STK32B: variants seen among roughly 807,000 people sequenced by gnomAD.
The protein encoded by STK32B is serine/threonine kinase 32B.
In STK32B, 43 loss-of-function variants were observed where a neutral mutation model predicts 52.6. That is an observed-to-expected ratio of 0.82 (90% CI 0.64 to 1.05). The LOEUF (loss-of-function observed/expected upper bound fraction) is 1.05, where lower values mean the gene tolerates loss of function less well. Among genes scored for constraint, STK32B ranks in the 50% least tolerant of loss-of-function variants. STK32B has a pLI of 0.00. For missense variants in STK32B, 621 were observed against 534.6 expected (o/e 1.16, Z -1.59); for synonymous variants, 238 against 204.3 (o/e 1.17, Z -1.41).
intron 4 of STK32B, among the ~76,000 whole-genome samples, chr4:5,371,050 G>A (rs1224924875): frequency 2.0e-5 from 3 of 147,486 alleles, no homozygotes; most frequent in Non-Finnish European, 4.5e-5. Context: ...ATATGTGTGT[G>A]TGTGTGTATA....
Position 5,290,587 on chromosome 4 carries a change from T to C in STK32B, c.261-40633T>C, listed in dbSNP as rs185444553. On this transcript the variant is annotated intron_variant, in intron 3 of 11. Coordinates refer to ENST00000282908, the MANE Select transcript of STK32B (RefSeq NM_018401.3). ...ACTGAAACATTACACAGCACGTGAC[T>C]GCATTTTTTTAATTACTTAATTTTT... Among the ~76,000 whole-genome samples the C allele has an allele frequency of 3.3e-3, 495 of 152,302 alleles. 3 individuals carry two copies. The highest frequency in any genetic ancestry group is 0.011 in the African/African-American group (473 of 41,560).
chr4:5,355,479 A>G (rs113363798), intron 4 of STK32B, among the ~76,000 whole-genome samples: 247 of 152,194 alleles, frequency 1.6e-3, no homozygotes, highest in Non-Finnish European at 3.1e-3. Context: ...TATTTGTTCT[A>G]TCCACCTGGT....
intron 2 of STK32B, among the ~76,000 whole-genome samples, chr4:5,157,425 C>T (rs1717948133): frequency 6.6e-6 from 1 of 151,956 alleles, no homozygotes; most frequent in Non-Finnish European, 1.5e-5. Context: ...AGCTGCTCTG[C>T]AGAAAATGTG....
intron 3 of STK32B, among the ~76,000 whole-genome samples, chr4:5,258,255 C>T (rs1213881745): frequency 2.6e-5 from 4 of 152,150 alleles, no homozygotes; most frequent in African/African-American, 4.8e-5. Context: ...GGGGACAGTG[C>T]CTGGGTTCAA....
intron 6 of STK32B, among the ~76,000 whole-genome samples, chr4:5,441,037 G>C (rs1329171215): frequency 8.0e-5 from 12 of 150,110 alleles, no homozygotes; most frequent in African/African-American, 2.7e-4. Context: ...TTGCATCAAT[G>C]TTCATCAAGG....
At chr4:5,033,516 C>T in the STK32B span, among the ~76,000 whole-genome samples, 1 of 152,248 alleles carries the variant, frequency 6.6e-6, no homozygotes, top group Admixed American at 6.5e-5. Context: ...GGCTCAGCCT[C>T]TTCTCGTTGC....
chr4:5,044,859 C>T, the STK32B span, among the ~76,000 whole-genome samples: 6 of 152,156 alleles, frequency 3.9e-5, no homozygotes, highest in Non-Finnish European at 8.8e-5. Flanking sequence ...TGCAGTGAGC[C>T]ATGATTGTGC....
chr4:5,444,960 T>C (rs959274693), intron 6 of STK32B, among the ~76,000 whole-genome samples: 2 of 152,148 alleles, frequency 1.3e-5, no homozygotes, highest in Non-Finnish European at 2.9e-5. Context: ...ACCATTCCAC[T>C]ATGTGGCACT....
At chr4:5,181,333 C>CACAT (rs1188174035) in intron 3 of STK32B, among the ~76,000 whole-genome samples, 9 of 134,124 alleles carry the variant, frequency 6.7e-5, no homozygotes, top group Non-Finnish European at 1.3e-4. Context: ...GAGTGAGACA[C>CACAT]ACACACACAC....
At chr4:5,247,759 A>T (rs1461784380) in intron 3 of STK32B, among the ~76,000 whole-genome samples, 1 of 151,710 alleles carries the variant, frequency 6.6e-6, no homozygotes, top group Non-Finnish European at 1.5e-5. Flanking sequence ...TTTTTCTTCC[A>T]CCCAGAGCCC....
intron 4 of STK32B, among the ~76,000 whole-genome samples, chr4:5,368,999 CAG>C (rs1227948373): frequency 3.9e-5 from 6 of 152,048 alleles, no homozygotes; most frequent in African/African-American, 1.2e-4. Context: ...CATGTGGACA[CAG>C]AGCTGTCCAC....
chr4:5,465,454 G>A (rs1187721115), intron 9 of STK32B, among the ~76,000 whole-genome samples: 1 of 152,102 alleles, frequency 6.6e-6, no homozygotes, highest in Non-Finnish European at 1.5e-5. Context: ...AGATTAGGGA[G>A]CATGGCCAAG....
chr4:5,456,028 G>GAACT (rs1247439218), intron 7 of STK32B, among the ~76,000 whole-genome samples: 14 of 152,138 alleles, frequency 9.2e-5, no homozygotes, highest in Non-Finnish European at 1.6e-4. Flanking sequence ...GAGAGGCTCT[G>GAACT]GGAGATAATG....
chr4:5,414,277 G>A (rs1241478425), intron 5 of STK32B, among the ~76,000 whole-genome samples: 1 of 151,600 alleles, frequency 6.6e-6, no homozygotes, highest in Non-Finnish European at 1.5e-5. Flanking sequence ...ATAAAATAAC[G>A]TGTTTAACAC....
At chr4:5,085,272 T>G (rs1301153964) in intron 1 of STK32B, among the ~76,000 whole-genome samples, 1 of 152,236 alleles carries the variant, frequency 6.6e-6, no homozygotes. Flanking sequence ...AATGACATAA[T>G]AAATGTAAAA....
At chr4:5,276,908 A>G (rs186152099) in intron 3 of STK32B, among the ~76,000 whole-genome samples, 40 of 152,224 alleles carry the variant, frequency 2.6e-4, no homozygotes, top group African/African-American at 8.7e-4. Flanking sequence ...GGGTTTTCCA[A>G]TTTCCTCATT....
At chr4:5,218,724 C>T (rs989100092) in intron 3 of STK32B, among the ~76,000 whole-genome samples, 53 of 152,218 alleles carry the variant, frequency 3.5e-4, no homozygotes, top group Non-Finnish European at 7.3e-5. Context: ...AAACTTAAAC[C>T]AGTAACACAT....
chr4:5,174,077 A>T (rs1719616670), intron 3 of STK32B, among the ~76,000 whole-genome samples: 1 of 151,684 alleles, frequency 6.6e-6, no homozygotes, highest in African/African-American at 2.4e-5. Flanking sequence ...GTCTCTTTTG[A>T]TCTTTGTTGG....
At chr4:5,235,827 G>GA (rs1724593861) in intron 3 of STK32B, among the ~76,000 whole-genome samples, 1 of 152,222 alleles carries the variant, frequency 6.6e-6, no homozygotes, top group South Asian at 2.1e-4. Context: ...TGAAAGTGGG[G>GA]ATGCAGAAGT....
Sources: gnomAD v4.1 joint callset for allele counts (sites outside exome capture counted in the v4.1 genomes callset) on GRCh38, gnomAD v4.1.1 for gene constraint, MANE v1.5 for transcripts, NCBI Gene and HGNC (gene_info 2026-07-23, HGNC 2026-07-21) for gene names.